Variants in SPOCK1 observed in about 807,000 individuals in gnomAD.
SPOCK1 encodes SPARC (osteonectin), cwcv and kazal like domains proteoglycan 1, also known as testican-1.
Under a neutral mutation model 55.3 loss-of-function variants are expected in SPOCK1, and 23 were observed. That is an observed-to-expected ratio of 0.42 (90% CI 0.30 to 0.59). The LOEUF is 0.59. Ranked by LOEUF, SPOCK1 falls within the 20% of genes least tolerant of loss-of-function variation. The pLI, the probability that SPOCK1 is intolerant of heterozygous loss-of-function variation, is 0.22. For synonymous variants in SPOCK1, 226 were observed against 221.0 expected, an observed-to-expected ratio of 1.02 and a Z score of -0.20; for missense variants, 499 against 552.5, an observed-to-expected ratio of 0.90 and a Z score of 0.97.
intron 4 of SPOCK1, among the ~76,000 whole-genome samples, chr5:137,114,363 C>T (rs976786162): frequency 3.3e-5 from 5 of 152,124 alleles, no homozygotes; most frequent in African/African-American, 1.2e-4. Context: ...AGGGATGTGT[C>T]TCTCTTCTTT....
intron 2 of SPOCK1, among the ~76,000 whole-genome samples, chr5:137,305,883 A>G (rs911795020): frequency 6.6e-6 from 1 of 152,204 alleles, no homozygotes; most frequent in African/African-American, 2.4e-5. Context: ...ACATGGATAT[A>G]TGTTTGCATA....
At chr5:137,082,644 G>A (rs1752894898) in intron 5 of SPOCK1, among the ~76,000 whole-genome samples, 1 of 152,206 alleles carries the variant, frequency 6.6e-6, no homozygotes, top group Admixed American at 6.5e-5. Context: ...CAACTTTTGA[G>A]GGTCAATCAG....
intron 2 of SPOCK1, among the ~76,000 whole-genome samples, chr5:137,471,341 G>A (rs1753733890): frequency 6.6e-6 from 1 of 152,106 alleles, no homozygotes; most frequent in Admixed American, 6.6e-5. Context: ...TTGTTTGTTT[G>A]TTTGTTTTTG....
chr5:137,308,973 A>G (rs1221211379), intron 2 of SPOCK1, among the ~76,000 whole-genome samples: 1 of 152,194 alleles, frequency 6.6e-6, no homozygotes, highest in Admixed American at 6.5e-5. Flanking sequence ...GGAGAAATAT[A>G]CATAACATTT....
chr5:137,039,201 TAA>T (rs1284977557), intron 6 of SPOCK1, among the ~76,000 whole-genome samples: 2 of 151,062 alleles, frequency 1.3e-5, no homozygotes, highest in African/African-American at 4.9e-5. Flanking sequence ...AAGGATTTGT[TAA>T]AAGTGATTTA....
At chr5:137,451,391 A>G (rs1753252542) in intron 2 of SPOCK1, among the ~76,000 whole-genome samples, 1 of 152,186 alleles carries the variant, frequency 6.6e-6, no homozygotes, top group African/African-American at 2.4e-5. Context: ...GATGAACTCA[A>G]TGCAATCACA....
chr5:137,355,435 C>T (rs932743464), intron 2 of SPOCK1, among the ~76,000 whole-genome samples: 1 of 152,278 alleles, frequency 6.6e-6, no homozygotes, highest in African/African-American at 2.4e-5. Context: ...GTGATCCTCC[C>T]ACCTCAGCTT....
intron 2 of SPOCK1, among the ~76,000 whole-genome samples, chr5:137,480,303 T>TCA (rs6149262): frequency 0.4 from 55,507 of 139,864 alleles, 11,195 homozygotes; most frequent in South Asian, 0.48. Context: ...TTGCTCTCCT[T>TCA]CACACACACA....
chr5:137,003,763 T>C (rs1167935969), intron 6 of SPOCK1, among the ~76,000 whole-genome samples: 1 of 152,174 alleles, frequency 6.6e-6, no homozygotes, highest in East Asian at 1.9e-4. Flanking sequence ...AAACATGAGG[T>C]AAACTTAAAT....
chr5:137,213,579 C>G (rs1261938076), intron 3 of SPOCK1, among the ~76,000 whole-genome samples: 1 of 152,184 alleles, frequency 6.6e-6, no homozygotes, highest in Non-Finnish European at 1.5e-5. Flanking sequence ...ACCACGCTCG[C>G]AAGAGCACTA....
At chr5:137,144,227 T>A (rs1284811112) in intron 3 of SPOCK1, among the ~76,000 whole-genome samples, 2 of 152,200 alleles carry the variant, frequency 1.3e-5, no homozygotes, top group Admixed American at 1.3e-4. Context: ...AAAGGAACCA[T>A]GGTCTGGTCA....
chr5:137,325,871 C>A (rs961531966), intron 2 of SPOCK1, among the ~76,000 whole-genome samples: 5 of 152,174 alleles, frequency 3.3e-5, no homozygotes, highest in Non-Finnish European at 7.3e-5. Context: ...AAAGAGAAAG[C>A]CACACAGACA....
At chr5:137,289,663 G>A (rs544391049) in intron 2 of SPOCK1, among the ~76,000 whole-genome samples, 11 of 152,122 alleles carry the variant, frequency 7.2e-5, no homozygotes, top group African/African-American at 2.4e-4. Flanking sequence ...AAATGCATAC[G>A]GGAATGAGCA....
chr5:137,364,778 C>A (rs1285110631), intron 2 of SPOCK1, among the ~76,000 whole-genome samples: 1 of 152,220 alleles, frequency 6.6e-6, no homozygotes, highest in African/African-American at 2.4e-5. Flanking sequence ...GATTTAAGAG[C>A]CAAGACTTGG....
intron 3 of SPOCK1, among the ~76,000 whole-genome samples, chr5:137,251,542 G>A (rs1756529369): frequency 6.6e-6 from 1 of 152,150 alleles, no homozygotes. Context: ...AGAACACAAG[G>A]CTGATGCTCC....
chr5:137,350,521 A>T (rs1215521471), intron 2 of SPOCK1, among the ~76,000 whole-genome samples: 1 of 151,956 alleles, frequency 6.6e-6, no homozygotes, highest in Non-Finnish European at 1.5e-5. Flanking sequence ...ACACTGCTTC[A>T]CTCCCATGTC....
chr5:137,042,853 T>TTA (rs1244837163), intron 6 of SPOCK1, among the ~76,000 whole-genome samples: 1 of 152,086 alleles, frequency 6.6e-6, no homozygotes, highest in Non-Finnish European at 1.5e-5. Context: ...GTACATACAT[T>TTA]TATATACACA....
chr5:137,478,875 C>G (rs564164990), intron 2 of SPOCK1, among the ~76,000 whole-genome samples: 1 of 152,066 alleles, frequency 6.6e-6, no homozygotes, highest in African/African-American at 2.4e-5. Context: ...GGGCAGGCAA[C>G]AAGCTTTCAG....
chr5:137,072,679 C>T (rs1297143919), intron 5 of SPOCK1, among the ~76,000 whole-genome samples: 1 of 152,244 alleles, frequency 6.6e-6, no homozygotes, highest in African/African-American at 2.4e-5. Flanking sequence ...TCACACAGGT[C>T]TCAACCGAGT....
Sources: allele counts gnomAD v4.1 joint callset (sites outside exome capture counted in the v4.1 genomes callset), GRCh38; gene constraint gnomAD v4.1.1; transcripts MANE v1.5; gene names NCBI Gene and HGNC (gene_info 2026-07-23, HGNC 2026-07-21).